The following KATNA1 variants were observed in gnomAD, a reference collection of about 807,000 sequenced individuals.
The protein encoded by KATNA1 is katanin p60 ATPase-containing subunit A1.
A neutral mutation model predicts 62.6 loss-of-function variants in KATNA1; 42 were observed. That is an observed-to-expected ratio of 0.67 (90% CI 0.52 to 0.87). The LOEUF (loss-of-function observed/expected upper bound fraction) is 0.87, where lower values mean the gene tolerates loss of function less well. Among genes scored for constraint, KATNA1 ranks in the 40% least tolerant of loss-of-function variants. The probability of loss-of-function intolerance (pLI) is 0.00; values close to 1 mark genes in which losing one functional copy is unlikely to be tolerated. For synonymous variants in KATNA1, 186 were observed against 201.9 expected (o/e 0.92, Z 0.67); for missense variants, 498 against 612.5 (o/e 0.81, Z 1.97).
At chr6:149,602,410 A>G (rs1427065295) in intron 6 of KATNA1, among the ~76,000 whole-genome samples, 3 of 152,164 alleles carry the variant, frequency 2.0e-5, no homozygotes, top group South Asian at 4.1e-4. Context: ...TATTCAAAGT[A>G]TATCTATCAT....
At chr6:149,608,806 A>G (rs1400136492) in intron 4 of KATNA1, among the ~76,000 whole-genome samples, 7 of 152,162 alleles carry the variant, frequency 4.6e-5, no homozygotes, top group Non-Finnish European at 1.0e-4. Flanking sequence ...ACCGCAGCTC[A>G]GCAGTAATGA....
intron 2 of KATNA1, among the ~76,000 whole-genome samples, chr6:149,633,896 C>T (rs1372967494): frequency 1.3e-5 from 2 of 151,576 alleles, no homozygotes; most frequent in East Asian, 1.9e-4. Context: ...GCGGAGGTTG[C>T]GGCAAGCCGG....
Position 149,597,660 on chromosome 6 carries a change from G to A in KATNA1, c.1016-19C>T. The A allele has an allele frequency of 3.1e-6, 5 of 1,605,404 alleles. No homozygotes were observed. Among genetic ancestry groups the A allele is most frequent in the Non-Finnish European group, 4.2e-6 (5 of 1,176,516 alleles). The stretch of plus-strand genomic sequence containing the variant: ...CCAACACCTAAAATAAGGGTAAGGG[G>A]AGAGTGAAAAAGATATTAAGTTGGA... On this transcript the variant is annotated intron_variant, in intron 8 of 10. Coordinates refer to ENST00000367411, the MANE Select transcript of KATNA1 (RefSeq NM_007044.4).
intron 7 of KATNA1, among the ~76,000 whole-genome samples, chr6:149,600,050 A>G (rs914193833): frequency 7.9e-5 from 12 of 152,124 alleles, no homozygotes; most frequent in Non-Finnish European, 1.5e-4. Flanking sequence ...GACAATAAAA[A>G]TAAGGCTTGA....
intron 6 of KATNA1, among the ~76,000 whole-genome samples, chr6:149,602,233 G>A (rs1778574011): frequency 6.6e-6 from 1 of 152,098 alleles, no homozygotes; most frequent in Non-Finnish European, 1.5e-5. Context: ...TGGGCGTGGT[G>A]GTACATGCCT....
intron 9 of KATNA1, 121 bp from the exon 10 acceptor site, chr6:149,597,310 T>A: frequency 7.9e-7 from 1 of 1,266,922 alleles, no homozygotes. Context: ...TAAGAAGAGA[T>A]AATTAAGTAA....
chr6:149,601,503 C>CCTAA, intron 7 of KATNA1, 91 bp downstream of exon 7: 1 of 1,173,294 alleles, frequency 8.5e-7, no homozygotes. Flanking sequence ...TGGCATCCTG[C>CCTAA]CTAACTATTC....
rs757204050 is a variant in KATNA1 at position 149,595,113 on chromosome 6, T to C, written c.1399A>G (p.Lys467Glu). The change falls in exon 11 of 11, where the codon AAA becomes GAA. Residue 467 changes from lysine (K) to glutamate (E), a missense_variant. Physicochemically the swap from Lys to Glu is moderately conservative, Grantham distance 56. Transcript: ENST00000367411. ...TTMEDFEMAL[K>E]KVSKSVSAAD... ...GCAGACACTGACTTAGAAACCTTTT[T>C]TAAAGCCATCTCGAAATCCTCCATA... The C allele has an allele frequency of 6.2e-7, 1 of 1,614,146 alleles. No individual in the cohort carries two copies. Among genetic ancestry groups the C allele is most frequent in the Non-Finnish European group, 8.5e-7 (1 of 1,179,996 alleles).
chr6:149,635,198 G>T (rs2114616374), intron 2 of KATNA1, among the ~76,000 whole-genome samples: 1 of 152,162 alleles, frequency 6.6e-6, no homozygotes, highest in African/African-American at 2.4e-5. Context: ...GATTGCTTGA[G>T]CCTGAGGAGT....
chr6:149,597,435 C>A, intron 9 of KATNA1, 72 bp downstream of exon 9: 1 of 1,565,328 alleles, frequency 6.4e-7, no homozygotes. Flanking sequence ...TAGTTAATAA[C>A]AAATTTTAAA....
chr6:149,604,420 C>T (rs970136954), intron 5 of KATNA1, among the ~76,000 whole-genome samples: 16 of 152,128 alleles, frequency 1.1e-4, no homozygotes, highest in African/African-American at 3.9e-4. Context: ...GAGCTATGAT[C>T]GAGCCACTGT....
At chr6:149,622,865 TCGATGTGGTGGCGCC>T (rs1246637966) in intron 4 of KATNA1, among the ~76,000 whole-genome samples, 2 of 151,324 alleles carry the variant, frequency 1.3e-5, no homozygotes, top group African/African-American at 4.9e-5. Context: ...CAAAATTAGC[TCGATGTGGTGGCGCC>T]CACTTGTAAT....
chr6:149,631,883 T>C (rs536168074), intron 3 of KATNA1, among the ~76,000 whole-genome samples: 11 of 152,306 alleles, frequency 7.2e-5, no homozygotes, highest in South Asian at 2.1e-4. Context: ...CTGCTGGCAC[T>C]TGGTAGTAGG....
intron 10 of KATNA1, among the ~76,000 whole-genome samples, 194 bp from the exon 11 acceptor site, chr6:149,595,428 G>C (rs1562276741): frequency 1.3e-5 from 2 of 152,016 alleles, no homozygotes; most frequent in Non-Finnish European, 2.9e-5. Flanking sequence ...TAAATCTTCT[G>C]TAATGAAAAA....
intron 1 of KATNA1, among the ~76,000 whole-genome samples, chr6:149,644,044 C>G (rs1780388569): frequency 6.6e-6 from 1 of 151,960 alleles, no homozygotes; most frequent in Non-Finnish European, 1.5e-5. Flanking sequence ...TGACCCTCAG[C>G]ATGGTCACAT....
chr6:149,636,527 T>C (rs1051537125), intron 2 of KATNA1, among the ~76,000 whole-genome samples: 3 of 152,162 alleles, frequency 2.0e-5, no homozygotes, highest in African/African-American at 7.2e-5. Flanking sequence ...TTCAAAGAGA[T>C]AGGCTGTTTC....
chr6:149,643,005 A>G (rs979494425), intron 1 of KATNA1, among the ~76,000 whole-genome samples: 3 of 152,246 alleles, frequency 2.0e-5, no homozygotes. Context: ...AACAAATAAC[A>G]TAATACCATT....
intron 4 of KATNA1, among the ~76,000 whole-genome samples, chr6:149,607,621 CA>C (rs1778792683): frequency 6.6e-6 from 1 of 151,846 alleles, no homozygotes; most frequent in African/African-American, 2.4e-5. Context: ...CAAATAAAAA[CA>C]AACAATAACT....
At position 149,617,988 on chromosome 6, in the gene KATNA1, A is replaced by AT. The variant is rs1491132854; in HGVS notation, c.501+5114_501+5115insA. Among the ~76,000 whole-genome samples the AT allele has an allele frequency of 1.4e-3, 207 of 145,376 alleles. 2 individuals carry two copies. The East Asian group carries it at 0.018, about 13-fold the overall frequency. ...TAAATAATAAAATAAATAAATAAAT[A>AT]AATATATATATATAAAATTAGCTGG... On this transcript the variant is annotated intron_variant, in intron 4 of 10. Coordinates refer to ENST00000367411, the MANE Select transcript of KATNA1 (RefSeq NM_007044.4).
Sources: allele counts gnomAD v4.1 joint callset (sites outside exome capture counted in the v4.1 genomes callset), GRCh38; gene constraint gnomAD v4.1.1; transcripts MANE v1.5; gene names NCBI Gene and HGNC (gene_info 2026-07-23, HGNC 2026-07-21).